The following EYA1 variants were observed in gnomAD, a reference collection of about 807,000 sequenced individuals.
EYA1 encodes the protein EYA transcriptional coactivator and phosphatase 1, also known as protein phosphatase EYA1.
Under a neutral mutation model 82.0 loss-of-function variants are expected in EYA1, and 16 were observed. The ratio of observed to expected loss-of-function variants is 0.20; its 90% CI spans 0.13 to 0.30. The LOEUF is 0.30. Ranked by LOEUF, EYA1 falls within the 10% of genes least tolerant of loss-of-function variation. The pLI is 1.00. For missense variants in EYA1, 633 were observed against 730.7 expected, an observed-to-expected ratio of 0.87 and a Z score of 1.54; for synonymous variants, 261 against 264.4, an observed-to-expected ratio of 0.99 and a Z score of 0.12.
chr8:71,362,840 C>T (rs943738376), upstream of EYA1, among the ~76,000 whole-genome samples: 1 of 152,172 alleles, frequency 6.6e-6, no homozygotes, highest in African/African-American at 2.4e-5. Flanking sequence ...CTATAACACT[C>T]ACCTAAAGAG....
chr8:71,315,306 C>T (rs1033769934), intron 7 of EYA1, among the ~76,000 whole-genome samples: 4 of 152,208 alleles, frequency 2.6e-5, no homozygotes, highest in African/African-American at 9.6e-5. Context: ...TTTCTAGATG[C>T]TAACTCTCAG....
chr8:71,285,716 T>C (rs1818295648), intron 9 of EYA1, among the ~76,000 whole-genome samples: 1 of 152,228 alleles, frequency 6.6e-6, no homozygotes, highest in East Asian at 1.9e-4. Flanking sequence ...GTGCAAATAT[T>C]AACCAAAAAG....
chr8:71,514,580 T>C (rs2129259014), intron 2 of EYA1, among the ~76,000 whole-genome samples: 1 of 152,226 alleles, frequency 6.6e-6, no homozygotes. Flanking sequence ...GAAACGCACT[T>C]CTTATATGGC....
chr8:71,532,783 G>C (rs1041026521), intron 2 of EYA1, among the ~76,000 whole-genome samples: 10 of 152,176 alleles, frequency 6.6e-5, no homozygotes, highest in Non-Finnish European at 1.3e-4. Context: ...GTGTAAGAAA[G>C]AGGTACAAAA....
chr8:71,481,343 C>T (rs1241544179), intron 2 of EYA1, among the ~76,000 whole-genome samples: 6 of 152,006 alleles, frequency 3.9e-5, no homozygotes, highest in Admixed American at 6.6e-5. Context: ...CCAAGGCTGC[C>T]GTCAATTTTA....
chr8:71,533,138 T>C (rs986755312), intron 2 of EYA1, among the ~76,000 whole-genome samples: 1 of 152,196 alleles, frequency 6.6e-6, no homozygotes, highest in Non-Finnish European at 1.5e-5. Context: ...GGGGAAGTAC[T>C]GAGTGTGAAG....
At chr8:71,274,283 A>G (rs1180949701) in intron 9 of EYA1, among the ~76,000 whole-genome samples, 1 of 152,196 alleles carries the variant, frequency 6.6e-6, no homozygotes, top group Non-Finnish European at 1.5e-5. Flanking sequence ...GATGCAAGCT[A>G]GTTATTTTTC....
chr8:71,410,049 G>A (rs1433355946), intron 2 of EYA1, among the ~76,000 whole-genome samples: 2 of 152,092 alleles, frequency 1.3e-5, no homozygotes, highest in Non-Finnish European at 2.9e-5. Context: ...CTTCATCCCT[G>A]GGTTCAATAT....
chr8:71,447,703 A>T (rs1019519900), intron 2 of EYA1, among the ~76,000 whole-genome samples: 21 of 152,346 alleles, frequency 1.4e-4, no homozygotes, highest in African/African-American at 4.8e-4. Flanking sequence ...ATGCATATAA[A>T]AGTTAACACT....
Position 71,321,718 on chromosome 8 carries a change from G to C in EYA1, c.418+16C>G. The C allele has an allele frequency of 6.2e-7, 1 of 1,613,458 alleles. No individual in the cohort carries two copies. The highest frequency in any genetic ancestry group is 1.1e-5 in the South Asian group (1 of 91,072). The stretch of plus-strand genomic sequence containing the variant: ...CCCATGCGATAACGCCACCACTACA[G>C]TTGCAGGTTACTCACCATATGAGGA... On this transcript the variant is annotated intron_variant, in intron 6 of 17. Transcript: ENST00000340726.
At position 71,354,789 on chromosome 8, in the gene EYA1, G is replaced by T; in HGVS notation, c.117C>A (p.Gly39=). The T allele has an allele frequency of 6.2e-7, 1 of 1,613,228 alleles. No individual in the cohort carries two copies. The highest frequency in any genetic ancestry group is 2.2e-5 in the East Asian group (1 of 44,832). Residue 39 remains glycine, a synonymous_variant, in exon 3 of 18, where the codon GGC becomes GGA. Transcript: ENST00000340726. ...GAGAAGGCAGACACTCACCTTCGGT[G>T]CCATTGGGAGTCATGGAATTACTAT... is the stretch of plus-strand genomic sequence containing the variant. ...HINSNSMTPN[G]TEVKTEPMSS...
At chr8:71,275,933 C>T (rs1028097119) in intron 9 of EYA1, among the ~76,000 whole-genome samples, 1 of 152,176 alleles carries the variant, frequency 6.6e-6, no homozygotes, top group Non-Finnish European at 1.5e-5. Context: ...CTTGACTTCC[C>T]TTACTTCTGC....
intron 2 of EYA1, among the ~76,000 whole-genome samples, chr8:71,379,314 G>C (rs377732430): frequency 6.6e-6 from 1 of 151,908 alleles, no homozygotes; most frequent in Admixed American, 6.6e-5. Flanking sequence ...TCTCTACAGG[G>C]GCCACAGAGA....
At chr8:71,418,834 C>T (rs1459354378) in intron 2 of EYA1, among the ~76,000 whole-genome samples, 1 of 152,060 alleles carries the variant, frequency 6.6e-6, no homozygotes, top group Non-Finnish European at 1.5e-5. Flanking sequence ...AGGTGCTCTT[C>T]TACACAGAGC....
Position 71,331,427 on chromosome 8 carries a change from T to C in EYA1, c.202+2670A>G, listed in dbSNP as rs1048634340. Among the ~76,000 whole-genome samples the C allele has an allele frequency of 9.9e-5, 15 of 151,326 alleles. No homozygotes were observed. The East Asian group carries it at 1.2e-3, about 12-fold the overall frequency. On this transcript the variant is annotated intron_variant, in intron 4 of 17. Coordinates refer to ENST00000340726, the MANE Select transcript of EYA1 (RefSeq NM_000503.6). ...CAGATATTTTCAAAAAGATTATCTCTTTGTAGCACATGATTTTTAACTTGG... is the reference window on the plus strand; with the variant it reads ...CAGATATTTTCAAAAAGATTATCTCCTTGTAGCACATGATTTTTAACTTGG...
intron 9 of EYA1, among the ~76,000 whole-genome samples, chr8:71,291,618 C>T (rs970290141): frequency 1.3e-5 from 2 of 152,144 alleles, no homozygotes; most frequent in East Asian, 1.9e-4. Context: ...TAAAATGTTT[C>T]GTTCACCATT....
At chr8:71,292,936 G>C (rs866142378) in intron 9 of EYA1, among the ~76,000 whole-genome samples, 4 of 151,806 alleles carry the variant, frequency 2.6e-5, no homozygotes, top group Non-Finnish European at 5.9e-5. Context: ...AAAAAATTAT[G>C]AAATAATGAA....
chr8:71,266,315 GC>G lies in EYA1; in HGVS notation c.1050+3424del, dbSNP rs149991929. On this transcript the variant is annotated intron_variant, in intron 11 of 17. Coordinates refer to ENST00000340726, the MANE Select transcript of EYA1 (RefSeq NM_000503.6). The stretch of plus-strand genomic sequence containing the variant: ...CTCCTTTAAGACTTTTCTCCTCAGT[GC>G]CCTGGGGGAAACAAAAGGACTGCAA... Among the ~76,000 whole-genome samples, 197 of 152,284 alleles carry G rather than the reference GC, an allele frequency of 1.3e-3. 1 individual carries two copies. The East Asian group carries it at 0.026, about 20-fold the overall frequency.
chr8:71,482,892 G>C (rs1381356782), intron 2 of EYA1, among the ~76,000 whole-genome samples: 1 of 152,174 alleles, frequency 6.6e-6, no homozygotes, highest in Non-Finnish European at 1.5e-5. Flanking sequence ...TGAAAGAGAG[G>C]GGGTACAATG....
Sources: allele counts gnomAD v4.1 joint callset (sites outside exome capture counted in the v4.1 genomes callset), GRCh38; gene constraint gnomAD v4.1.1; transcripts MANE v1.5; gene names NCBI Gene and HGNC (gene_info 2026-07-23, HGNC 2026-07-21).